Variants in NOD1 observed in about 807,000 individuals in gnomAD.
NOD1 encodes the protein nucleotide binding oligomerization domain containing 1.
NOD1 carries 70 observed loss-of-function variants against 81.2 expected under a neutral mutation model. That is an observed-to-expected ratio of 0.86 (90% confidence interval 0.71 to 1.05). NOD1 has a LOEUF of 1.05. Ranked by LOEUF, NOD1 falls within the 50% of genes least tolerant of loss-of-function variation. The pLI is 0.00. For synonymous variants in NOD1, 508 were observed against 526.9 expected, an observed-to-expected ratio of 0.96 and a Z score of 0.49; for missense variants, 1,233 against 1,228.0, an observed-to-expected ratio of 1.00 and a Z score of -0.06.
Position 30,467,681 on chromosome 7 carries a change from TTTG to T in NOD1, c.-351-7643_-351-7641del, listed in dbSNP as rs535718705. ...GGGATTGTGGGTGGGAACAGTTTTT[TTTG>T]TTGTTGTTGTTATTTTTGTTTGTTT... On this transcript the variant is annotated intron_variant, in intron 1 of 13. Transcript: ENST00000222823. The surrounding 1 kb of genome is among the most constrained non-coding windows in gnomAD (Gnocchi z 4.5). 1.2e-3 allele frequency among the ~76,000 whole-genome samples: 188 copies of T among 152,270 alleles called. 1 individual carries two copies. Among genetic ancestry groups the T allele is most frequent in the African/African-American group, 4.0e-3 (168 of 41,544 alleles).
intron 13 of NOD1, 120 bp downstream of exon 13, chr7:30,429,253 AT>A: frequency 2.4e-6 from 2 of 841,930 alleles, no homozygotes; most frequent in South Asian, 2.8e-5. Context: ...AGGTAATACC[AT>A]TACTGTGCAG....
Position 30,457,028 on chromosome 7 carries a change from T to A in NOD1, c.-107A>T. ...AGGCCGCGCCCTCCAGGGCCCCTGC[T>A]ACTCTGCGCAGCCCCTGAAGAGATC... On this transcript the variant is annotated 5_prime_UTR_variant, in exon 4 of 14. Transcript: ENST00000222823. The A allele has an allele frequency of 1.2e-6, 1 of 856,568 alleles. No individual in the cohort carries two copies. The highest frequency in any genetic ancestry group is 1.9e-5 in the Admixed American group (1 of 51,738). 53.1% of individuals were successfully genotyped at this position (856,568 alleles called of 1,614,324 possible). A position where few individuals can be genotyped will look rare whatever the true frequency, so the allele number is the denominator to read the frequency against.
intron 12 of NOD1, among the ~76,000 whole-genome samples, chr7:30,432,184 A>C (rs1284516150): frequency 6.6e-6 from 1 of 152,200 alleles, no homozygotes; most frequent in Non-Finnish European, 1.5e-5. Context: ...GAAAGAAAGA[A>C]AATACTTGCA....
intron 10 of NOD1, among the ~76,000 whole-genome samples, chr7:30,436,698 C>A (rs1346894570): frequency 6.6e-6 from 1 of 152,224 alleles, no homozygotes; most frequent in African/African-American, 2.4e-5. Flanking sequence ...CTCCCTCTAC[C>A]AGCAAGGGAC....
chr7:30,446,984 T>C lies in NOD1; in HGVS notation c.2352A>G (p.Lys784=). Residue 784 remains lysine (K), a synonymous_variant, in exon 8 of 14, where the codon AAA becomes AAG. Transcript: ENST00000222823. ...RYVTKILDEC[K]GLTHLKLGKN... ...CCACTTACTTAAGATGCGTGAGGCC[T>C]TTGCATTCATCCAGGATTTTGGTGA... The C allele has an allele frequency of 1.2e-6, 2 of 1,614,050 alleles. No individual in the cohort carries two copies. The highest frequency in any genetic ancestry group is 1.7e-6 in the Non-Finnish European group (2 of 1,179,930).
intron 12 of NOD1, among the ~76,000 whole-genome samples, chr7:30,430,566 C>T (rs145479087): frequency 2.5e-4 from 38 of 152,304 alleles, no homozygotes; most frequent in Non-Finnish European, 4.7e-4. Context: ...AGGACTCCCT[C>T]GTGAGAGGCA....
In NOD1 at chr7:30,447,029, G is replaced by A. The variant is rs755325021; in HGVS notation, c.2307C>T (p.Thr769=). 167 of 1,613,956 alleles carry A rather than the reference G, an allele frequency of 1.0e-4. No homozygotes were observed. The highest frequency in any genetic ancestry group is 1.6e-4 in the Middle Eastern group (1 of 6,084). Reference sequence around the variant, plus strand: ...TGGTGACGTACCTGGCTCCGACATCGGTGATCTGGTTGTTGTATAAACTTC... The same window carrying A: ...TGGTGACGTACCTGGCTCCGACATCAGTGATCTGGTTGTTGTATAAACTTC... ...TYLGLYNNQI[T]DVGARYVTKI... is the part of the protein sequence containing the mutation. The change falls in exon 8 of 14, where the codon ACC becomes ACT. Residue 769 remains threonine, a synonymous_variant. Coordinates refer to ENST00000222823, the MANE Select transcript of NOD1 (RefSeq NM_006092.4).
intron 3 of NOD1, among the ~76,000 whole-genome samples, chr7:30,458,729 T>G (rs1028278664): frequency 6.7e-6 from 1 of 150,072 alleles, no homozygotes; most frequent in Admixed American, 6.7e-5. Context: ...TAAATACTAA[T>G]CCAGCCTTTT....
intron 4 of NOD1, among the ~76,000 whole-genome samples, chr7:30,456,174 T>G (rs1786350518): frequency 6.6e-6 from 1 of 152,230 alleles, no homozygotes; most frequent in African/African-American, 2.4e-5. Flanking sequence ...ATGAGTTGTG[T>G]CATTCCTCTA....
chr7:30,437,987 C>A (rs1281844140), intron 9 of NOD1, among the ~76,000 whole-genome samples: 1 of 152,234 alleles, frequency 6.6e-6, no homozygotes, highest in African/African-American at 2.4e-5. Context: ...GAGAAAGCAC[C>A]TGCATGTCTC....
At chr7:30,453,487 A>T (rs914403388) in intron 5 of NOD1, among the ~76,000 whole-genome samples, 2 of 152,028 alleles carry the variant, frequency 1.3e-5, no homozygotes, top group Admixed American at 1.3e-4. Context: ...GGGTGCAGTG[A>T]CCCAATCATG....
At chr7:30,434,075 G>C (rs1369263243) in intron 11 of NOD1, among the ~76,000 whole-genome samples, 1 of 152,234 alleles carries the variant, frequency 6.6e-6, no homozygotes, top group Admixed American at 6.5e-5. Context: ...GTAGAATGAG[G>C]AGGGAGAAGA....
At position 30,452,891 on chromosome 7, in the gene NOD1, T is replaced by C. The variant is rs937850757; in HGVS notation, c.526A>G (p.Ser176Gly). The change falls in exon 6 of 14, where the codon AGC (serine) becomes GGC (glycine). Residue 176 changes from serine (S) to glycine (G), a missense_variant. Transcript: ENST00000222823. ...AGGAGGCAGGCCAGGCTGTTCAGGC[T>C]GCCCAGGCTCTCATTGCTGAAGCCA... is the stretch of plus-strand genomic sequence containing the variant. ...LVGFSNESLG[S>G]LNSLACLLDH... 1.3e-5 allele frequency: 21 copies of C among 1,613,950 alleles called. No homozygotes were observed. The highest frequency in any genetic ancestry group is 1.8e-5 in the Non-Finnish European group (21 of 1,180,032).
chr7:30,470,330 G>A (rs1788144034), intron 1 of NOD1, among the ~76,000 whole-genome samples: 1 of 152,230 alleles, frequency 6.6e-6, no homozygotes, highest in Admixed American at 6.5e-5. Flanking sequence ...GCCTAGGCCA[G>A]CATTTCCATC....
intron 1 of NOD1, chr7:30,463,944 T>C (rs886398844): frequency 2.0e-5 from 3 of 152,248 alleles, no homozygotes; most frequent in African/African-American, 7.2e-5. Flanking sequence ...CACTGACTTT[T>C]TGCATGTTTG....
chr7:30,433,829 G>C (rs533510811), intron 11 of NOD1, among the ~76,000 whole-genome samples: 2 of 152,262 alleles, frequency 1.3e-5, no homozygotes, highest in South Asian at 2.1e-4. Context: ...AAAATTCCTT[G>C]AAGGGCAGTT....
chr7:30,470,578 A>G (rs1180655792), intron 1 of NOD1, among the ~76,000 whole-genome samples: 2 of 152,224 alleles, frequency 1.3e-5, no homozygotes, highest in Non-Finnish European at 2.9e-5. Flanking sequence ...ACTTTCCATC[A>G]CCAATAGTTT....
At position 30,470,424 on chromosome 7, in the gene NOD1, G is replaced by C. The variant is rs533650772; in HGVS notation, c.-352+8182C>G. Among the ~76,000 whole-genome samples the C allele has an allele frequency of 2.0e-5, 3 of 152,322 alleles. No homozygotes were observed. In the South Asian group the frequency reaches 6.2e-4, roughly 32 times the overall value. ...TATCTCCAGCACATAGAGGGTGCTC[G>C]ATAGGAACCGTCGAATGAATGAATC... On this transcript the variant is annotated intron_variant, in intron 1 of 13. Coordinates refer to ENST00000222823, the MANE Select transcript of NOD1 (RefSeq NM_006092.4).
At chr7:30,438,521 C>G (rs1322993164) in intron 9 of NOD1, among the ~76,000 whole-genome samples, 1 of 152,222 alleles carries the variant, frequency 6.6e-6, no homozygotes, top group Admixed American at 6.5e-5. Context: ...TCAGCACACA[C>G]TGTCTACACA....
Sources: allele counts gnomAD v4.1 joint callset (sites outside exome capture counted in the v4.1 genomes callset), GRCh38; gene constraint gnomAD v4.1.1; non-coding constraint Gnocchi (gnomAD v3.1); transcripts MANE v1.5; gene names NCBI Gene and HGNC (gene_info 2026-07-23, HGNC 2026-07-21).